KEAP1: variants seen among roughly 807,000 people sequenced by gnomAD.
KEAP1 encodes the protein kelch like ECH associated protein 1, also known as kelch-like ECH-associated protein 1.
In KEAP1, 26 loss-of-function variants were observed where a neutral mutation model predicts 59.7. The ratio of observed to expected loss-of-function variants is 0.44; its 90% CI spans 0.32 to 0.60. KEAP1 has a LOEUF of 0.60. Among genes scored for constraint, KEAP1 ranks in the 20% least tolerant of loss-of-function variants. The probability of loss-of-function intolerance (pLI) is 0.06; values close to 1 mark genes in which losing one functional copy is unlikely to be tolerated. For synonymous variants in KEAP1, 350 were observed against 358.3 expected (o/e 0.98, Z 0.26); for missense variants, 539 against 871.4 (o/e 0.62, Z 4.80).
chr19:10,493,436 A>G (rs1914746857), intron 2 of KEAP1, among the ~76,000 whole-genome samples: 1 of 151,830 alleles, frequency 6.6e-6, no homozygotes, highest in Admixed American at 6.6e-5. Flanking sequence ...TGCTGGGATT[A>G]CAGGCGTGAG....
At chr19:10,487,965 C>A (rs1426577497) in intron 5 of KEAP1, among the ~76,000 whole-genome samples, 5 of 151,954 alleles carry the variant, frequency 3.3e-5, no homozygotes, top group Non-Finnish European at 7.4e-5. Flanking sequence ...CCCTTCTCTA[C>A]TAAAAATACA....
chr19:10,491,471 A>C lies in KEAP1; in HGVS notation c.1325+106T>G. 1.0e-6 allele frequency: 1 copy of C among 981,104 alleles called. No homozygotes were observed. The highest frequency in any genetic ancestry group is 2.2e-5 in the South Asian group (1 of 44,534). The allele number at this position is 981,104 out of a possible 1,614,324, so 60.8% of individuals were successfully genotyped here. On this transcript the variant is annotated intron_variant, in intron 3 of 5. Coordinates refer to ENST00000171111, the MANE Select transcript of KEAP1 (RefSeq NM_203500.2). This position sits in a 1 kb window ranked among gnomAD's most constrained non-coding sequence, Gnocchi z 5.2. ...TTCATCCTGAGGCCTCCACTCCCTG[A>C]AGACAGGAAGAGGAAACAGCCTCAG...
intron 2 of KEAP1, chr19:10,492,614 A>C (rs1194765116): frequency 2.7e-5 from 6 of 221,542 alleles, no homozygotes; most frequent in Admixed American, 5.2e-5. Flanking sequence ...GCTACTCGGG[A>C]GGCTGAAGCA....
intron 2 of KEAP1, among the ~76,000 whole-genome samples, chr19:10,494,229 A>G (rs2144611510): frequency 6.6e-6 from 1 of 151,146 alleles, no homozygotes; most frequent in South Asian, 2.1e-4. Flanking sequence ...GGCATGAGCC[A>G]CCGTGTCCGG....
At chr19:10,490,932 C>G (rs1914648946) in intron 3 of KEAP1, 1 of 152,038 alleles carries the variant, frequency 6.6e-6, no homozygotes, top group African/African-American at 2.4e-5. Context: ...TCAAAGAGTC[C>G]TTTAGGTCCG....
rs912249406 is a variant in KEAP1, at chr19:10,492,441, G to A, written c.640-179C>T. The A allele has an allele frequency of 3.8e-4, 228 of 601,784 alleles. 1 individual carries two copies. The highest frequency in any genetic ancestry group is 2.7e-3 in the Admixed American group (91 of 33,104). 37.3% of individuals were successfully genotyped at this position (601,784 alleles called of 1,614,324 possible). On this transcript the variant is annotated intron_variant, in intron 2 of 5. Coordinates refer to ENST00000171111, the MANE Select transcript of KEAP1 (RefSeq NM_203500.2). ...GATGACTAAATGAGTTAATCCTGCC[G>A]GGCGCGGTGGCTCACGCCTGTAATG...
chr19:10,500,108 G>A, intron 1 of KEAP1, 28 bp from the exon 2 acceptor site: 1 of 1,456,708 alleles, frequency 6.9e-7, no homozygotes, highest in Non-Finnish European at 9.1e-7. Context: ...CAGGGCAGAG[G>A]GCAGGGGTTG....
intron 2 of KEAP1, among the ~76,000 whole-genome samples, chr19:10,496,307 C>T (rs1382791423): frequency 6.6e-6 from 1 of 151,836 alleles, no homozygotes; most frequent in Non-Finnish European, 1.5e-5. Context: ...ACCAGCCTGA[C>T]CAACATGGTG....
chr19:10,488,167 T>A (rs949903409), intron 5 of KEAP1, among the ~76,000 whole-genome samples: 7 of 150,990 alleles, frequency 4.6e-5, no homozygotes, highest in Non-Finnish European at 8.9e-5. Context: ...CGTGCCTGTA[T>A]TCCCAGCTAC....
chr19:10,500,136 G>T, intron 1 of KEAP1, 56 bp from the exon 2 acceptor site: 1 of 1,267,822 alleles, frequency 7.9e-7, no homozygotes, highest in Non-Finnish European at 1.1e-6. Flanking sequence ...GCCAGCACCT[G>T]CCGGGCCTCG....
intron 5 of KEAP1, among the ~76,000 whole-genome samples, chr19:10,487,036 T>TAAA (rs35072591): frequency 1.4e-4 from 13 of 92,008 alleles, no homozygotes; most frequent in Non-Finnish European, 2.1e-4. Flanking sequence ...AGTCTCTTAC[T>TAAA]AAAAAAAAAA....
chr19:10,501,654 T>C (rs1351122345), intron 1 of KEAP1, among the ~76,000 whole-genome samples: 2 of 151,822 alleles, frequency 1.3e-5, no homozygotes, highest in East Asian at 3.9e-4. Context: ...AAAGATATTC[T>C]CATACTTCGG....
At chr19:10,492,870 G>A (rs1226599662) in intron 2 of KEAP1, among the ~76,000 whole-genome samples, 4 of 151,644 alleles carry the variant, frequency 2.6e-5, no homozygotes, top group Non-Finnish European at 4.4e-5. Context: ...CACCCAGGCT[G>A]GAGTGCAGTG....
chr19:10,489,396 C>T, intron 4 of KEAP1, 28 bp from the exon 5 acceptor site: 1 of 1,592,374 alleles, frequency 6.3e-7, no homozygotes, highest in Non-Finnish European at 8.6e-7. Flanking sequence ...GAGAAGGTGA[C>T]TCTGGGGGTC....
intron 2 of KEAP1, among the ~76,000 whole-genome samples, chr19:10,497,641 C>T (rs1035018858): frequency 6.6e-5 from 10 of 152,282 alleles, no homozygotes; most frequent in African/African-American, 1.9e-4. Context: ...CCCAACACTA[C>T]GGGAGGCCAA....
At position 10,491,604 on chromosome 19, in the gene KEAP1, C is replaced by T. The variant is rs2144596364; in HGVS notation, c.1298G>A (p.Gly433Asp). ...GHIYAVGGSHGCIHHNSVERY... is the reference protein window; with the variant it reads ...GHIYAVGGSHDCIHHNSVERY... The stretch of plus-strand genomic sequence containing the variant: ...CTCCACACTGTTGTGGTGGATGCAG[C>T]CGTGGGAGCCGCCGACGGCATAGAT... The change falls in exon 3 of 6, where the codon GGC (glycine) becomes GAC (aspartate). Residue 433 changes from glycine to aspartate, a missense_variant. This residue lies in a region of KEAP1 where 311 missense variants were observed against 425.2 expected (regional missense o/e 0.73). Coordinates refer to ENST00000171111, the MANE Select transcript of KEAP1 (RefSeq NM_203500.2). This position sits in a 1 kb window ranked among gnomAD's most constrained non-coding sequence, Gnocchi z 5.2. The T allele has an allele frequency of 6.3e-7, 1 of 1,577,022 alleles. No homozygotes were observed. The highest frequency in any genetic ancestry group is 1.2e-5 in the South Asian group (1 of 84,890).
intron 2 of KEAP1, among the ~76,000 whole-genome samples, chr19:10,493,451 C>T (rs1027992723): frequency 1.3e-5 from 2 of 151,664 alleles, no homozygotes; most frequent in African/African-American, 4.8e-5. Flanking sequence ...CGTGAGCCAC[C>T]GCGCCCGGCC....
chr19:10,491,802 C>G lies in KEAP1; in HGVS notation c.1100G>C (p.Gly367Ala), dbSNP rs2144599109. The G allele has an allele frequency of 1.3e-6, 2 of 1,593,254 alleles. No individual in the cohort carries two copies. The highest frequency in any genetic ancestry group is 8.5e-7 in the Non-Finnish European group (1 of 1,170,266). Reference sequence around the variant, plus strand: ...GTACAACAGCCCGCCCACCACGCAGCCGGCCAGGCCGCTCCGCGGCACCTG... The same window carrying G: ...GTACAACAGCCCGCCCACCACGCAGGCGGCCAGGCCGCTCCGCGGCACCTG... Reference protein sequence around the residue: ...DLQVPRSGLAGCVVGGLLYAV... With the variant: ...DLQVPRSGLAACVVGGLLYAV... The change falls in exon 3 of 6, where the codon GGC becomes GCC. Residue 367 changes from glycine (G) to alanine (A), a missense_variant. Around this residue, in one of 4 missense-constraint regions of KEAP1, gnomAD observed 311 missense variants for 425.2 expected, o/e 0.73. Transcript: ENST00000171111. This position sits in a 1 kb window ranked among gnomAD's most constrained non-coding sequence, Gnocchi z 5.2.
At chr19:10,492,641 C>CCGGGAGG (rs763751885) in intron 2 of KEAP1, 51 of 205,000 alleles carry the variant, frequency 2.5e-4, no homozygotes, top group Non-Finnish European at 4.6e-4. Context: ...TCGCTTGAAC[C>CCGGGAGG]CGGGAGGCGG....
Sources: gnomAD v4.1 joint callset for allele counts (sites outside exome capture counted in the v4.1 genomes callset) on GRCh38, gnomAD v4.1.1 for gene constraint, gnomAD v4.1.1 regional missense constraint, Gnocchi (gnomAD v3.1) non-coding constraint, MANE v1.5 for transcripts, NCBI Gene and HGNC (gene_info 2026-07-23, HGNC 2026-07-21) for gene names.